SLC24A3: variants seen among roughly 807,000 people sequenced by gnomAD.
SLC24A3 encodes the protein sodium/potassium/calcium exchanger 3.
SLC24A3 carries 28 observed loss-of-function variants against 75.8 expected under a neutral mutation model. The observed-to-expected ratio is 0.37, with a 90% CI of 0.27 to 0.51. The LOEUF (loss-of-function observed/expected upper bound fraction) is 0.51, where lower values mean the gene tolerates loss of function less well. Ranked by LOEUF, SLC24A3 falls within the 20% of genes least tolerant of loss-of-function variation. The pLI is 0.94. For missense variants in SLC24A3, 663 were observed against 847.8 expected (o/e 0.78, Z 2.71); for synonymous variants, 372 against 334.1 (o/e 1.11, Z -1.24).
At chr20:19,666,635 A>T (rs775971470) in intron 8 of SLC24A3, among the ~76,000 whole-genome samples, 4 of 152,002 alleles carry the variant, frequency 2.6e-5, no homozygotes, top group Admixed American at 6.6e-5. Flanking sequence ...CTTTCAAAAG[A>T]TCTTAGAGCT....
intron 2 of SLC24A3, among the ~76,000 whole-genome samples, chr20:19,351,283 A>G (rs892253535): frequency 6.6e-6 from 1 of 152,130 alleles, no homozygotes; most frequent in Non-Finnish European, 1.5e-5. Flanking sequence ...TCCCACTCCT[A>G]AATACTTTTG....
intron 3 of SLC24A3, among the ~76,000 whole-genome samples, chr20:19,528,576 T>C (rs2030240658): frequency 6.6e-6 from 1 of 152,194 alleles, no homozygotes; most frequent in Admixed American, 6.5e-5. Flanking sequence ...TTACTGATTA[T>C]CATGATGAAT....
intron 6 of SLC24A3, among the ~76,000 whole-genome samples, chr20:19,640,681 C>T (rs942625106): frequency 9.2e-5 from 14 of 152,004 alleles, no homozygotes; most frequent in Non-Finnish European, 1.0e-4. Flanking sequence ...ACCCGGGAGG[C>T]GAAGGTTGCA....
intron 6 of SLC24A3, among the ~76,000 whole-genome samples, chr20:19,602,165 A>T (rs1171498684): frequency 6.6e-6 from 1 of 152,122 alleles, no homozygotes; most frequent in Admixed American, 6.5e-5. Context: ...CAAGAGCAAA[A>T]CTGTGTCTCA....
chr20:19,652,199 T>C (rs1345832865), intron 6 of SLC24A3, among the ~76,000 whole-genome samples: 1 of 152,234 alleles, frequency 6.6e-6, no homozygotes, highest in Non-Finnish European at 1.5e-5. Context: ...ATTGTGGGTT[T>C]ATGTCCTGAT....
intron 3 of SLC24A3, among the ~76,000 whole-genome samples, chr20:19,520,217 G>C (rs1359948357): frequency 6.6e-6 from 1 of 152,130 alleles, no homozygotes; most frequent in Non-Finnish European, 1.5e-5. Flanking sequence ...AGATGTGCTG[G>C]GAAAAGACAT....
chr20:19,584,931 A>C (rs762457730), intron 4 of SLC24A3, 40 bp from the exon 5 acceptor site: 1 of 1,566,426 alleles, frequency 6.4e-7, no homozygotes, highest in South Asian at 1.1e-5. Flanking sequence ...TCCGAGATGG[A>C]ATCCCAACTC....
chr20:19,337,242 C>T lies in SLC24A3; in HGVS notation c.271+56155C>T, dbSNP rs756124965. Among the ~76,000 whole-genome samples, 8 of 152,218 alleles carry T rather than the reference C, an allele frequency of 5.3e-5. No individual in the cohort carries two copies. In the East Asian group the frequency reaches 5.8e-4, roughly 11 times the overall value. The stretch of plus-strand genomic sequence containing the variant: ...AGCGGATCACTTGAGGTCAGGAGTT[C>T]GAGACCAGCCTGACCAAAATGGAGA... On this transcript the variant is annotated intron_variant, in intron 2 of 16. Transcript: ENST00000328041.
intron 2 of SLC24A3, among the ~76,000 whole-genome samples, chr20:19,387,310 T>C (rs978524716): frequency 6.6e-6 from 1 of 152,098 alleles, no homozygotes; most frequent in Non-Finnish European, 1.5e-5. Context: ...TATCTTTTTA[T>C]TGCTTTTTTC....
chr20:19,689,806 G>A (rs6035412), intron 12 of SLC24A3, among the ~76,000 whole-genome samples: 2,373 of 152,138 alleles, frequency 0.016, 67 homozygotes, highest in African/African-American at 0.054. Context: ...GGGAGGATGC[G>A]GATCACCTGA....
chr20:19,317,630 G>A (rs1230565716), intron 2 of SLC24A3, among the ~76,000 whole-genome samples: 1 of 152,178 alleles, frequency 6.6e-6, no homozygotes, highest in Admixed American at 6.5e-5. Context: ...AAGCTTATGA[G>A]GAAGATCTGT....
intron 15 of SLC24A3, among the ~76,000 whole-genome samples, chr20:19,717,187 A>G (rs1338211208): frequency 2.0e-5 from 3 of 152,234 alleles, no homozygotes; most frequent in African/African-American, 7.2e-5. Flanking sequence ...AGGTAAAGGA[A>G]CACGTGGACA....
At chr20:19,526,487 A>T (rs1236988699) in intron 3 of SLC24A3, among the ~76,000 whole-genome samples, 1 of 152,198 alleles carries the variant, frequency 6.6e-6, no homozygotes, top group Non-Finnish European at 1.5e-5. Context: ...TCTATGTTGG[A>T]TCAGGCTATG....
At chr20:19,220,203 C>A (rs904439431) in intron 1 of SLC24A3, among the ~76,000 whole-genome samples, 6 of 152,262 alleles carry the variant, frequency 3.9e-5, no homozygotes, top group Non-Finnish European at 8.8e-5. Context: ...ATCATGAAAT[C>A]TAGTAATCGT....
At chr20:19,343,591 A>G (rs989268272) in intron 2 of SLC24A3, among the ~76,000 whole-genome samples, 1 of 152,102 alleles carries the variant, frequency 6.6e-6, no homozygotes, top group Non-Finnish European at 1.5e-5. Flanking sequence ...GTTGGAAGTA[A>G]TACTTCATGG....
chr20:19,593,185 C>T (rs982995229), intron 6 of SLC24A3, among the ~76,000 whole-genome samples: 6 of 152,140 alleles, frequency 3.9e-5, no homozygotes, highest in African/African-American at 1.4e-4. Context: ...TTTTGGGGCA[C>T]AAATGTCATT....
At position 19,346,332 on chromosome 20, in the gene SLC24A3, GTA is replaced by G. The variant is rs371884638; in HGVS notation, c.271+65255_271+65256del. Among the ~76,000 whole-genome samples, 40 of 49,826 alleles carry G rather than the reference GTA, an allele frequency of 8.0e-4. 2 individuals are homozygous for G. Among genetic ancestry groups the G allele is most frequent in the African/African-American group, 1.6e-3 (15 of 9,624 alleles). The allele number at this position is 49,826 out of a possible 152,430, so 32.7% of individuals were successfully genotyped here. On this transcript the variant is annotated intron_variant, in intron 2 of 16. Coordinates refer to ENST00000328041, the MANE Select transcript of SLC24A3 (RefSeq NM_020689.4). ...TATATATATGGTATATATATATGGT[GTA>G]TATATATATGGTATATATATGGTGT...
chr20:19,669,892 A>T (rs2032445863), intron 8 of SLC24A3, among the ~76,000 whole-genome samples: 1 of 152,120 alleles, frequency 6.6e-6, no homozygotes, highest in Non-Finnish European at 1.5e-5. Flanking sequence ...TTCAAAATGG[A>T]AGCCTGGGGA....
chr20:19,525,113 C>T (rs942489856), intron 3 of SLC24A3, among the ~76,000 whole-genome samples: 4 of 152,196 alleles, frequency 2.6e-5, no homozygotes. Flanking sequence ...TTATGCCATC[C>T]TTCCCCTTTC....
Sources: gnomAD v4.1 joint callset for allele counts (sites outside exome capture counted in the v4.1 genomes callset) on GRCh38, gnomAD v4.1.1 for gene constraint, MANE v1.5 for transcripts, NCBI Gene and HGNC (gene_info 2026-07-23, HGNC 2026-07-21) for gene names.